The following SLC45A3 variants were observed in gnomAD, a reference collection of about 807,000 sequenced individuals.
SLC45A3 encodes prostate cancer associated protein 2.
A neutral mutation model predicts 35.3 loss-of-function variants in SLC45A3; 17 were observed. The ratio of observed to expected loss-of-function variants is 0.48; its 90% CI spans 0.33 to 0.72. The LOEUF (loss-of-function observed/expected upper bound fraction) is 0.72, where lower values mean the gene tolerates loss of function less well. SLC45A3 is among the 30% of genes least tolerant of loss of function. SLC45A3 has a pLI of 0.02. For synonymous variants in SLC45A3, 288 were observed against 334.3 expected, an observed-to-expected ratio of 0.86 and a Z score of 1.51; for missense variants, 597 against 731.7, an observed-to-expected ratio of 0.82 and a Z score of 2.12.
rs762283059 is a variant in SLC45A3 at position 205,663,447 on chromosome 1, G to C, written c.344C>G (p.Pro115Arg). Residue 115 changes from proline to arginine, a missense_variant, in exon 3 of 5, where the codon CCG (proline) becomes CGG (arginine). Pro to Arg is a moderately radical substitution (Grantham distance 103). Transcript: ENST00000367145. The stretch of plus-strand genomic sequence containing the variant: ...TGCCAGCTCCAGGGGCCTGGGATCC[G>C]GGCACAGCAGCCCTGCTAGCCAGCC... ...RAGWLAGLLC[P>R]DPRPLELALL... 5.0e-6 allele frequency: 8 copies of C among 1,612,638 alleles called. No individual in the cohort carries two copies. In the Middle Eastern group the frequency reaches 1.2e-3, roughly 233 times the overall value.
chr1:205,670,391 C>T (rs889813008), intron 1 of SLC45A3, among the ~76,000 whole-genome samples: 2 of 152,092 alleles, frequency 1.3e-5, no homozygotes, highest in African/African-American at 4.8e-5. Context: ...CCAGTCTTGC[C>T]CTAGAAAAAA....
intron 1 of SLC45A3, among the ~76,000 whole-genome samples, chr1:205,665,847 C>T (rs1321500898): frequency 2.6e-5 from 4 of 152,192 alleles, no homozygotes; most frequent in South Asian, 2.1e-4. Flanking sequence ...TCTTGCTTCC[C>T]GACAATACAG....
At chr1:205,661,777 A>G (rs2102402743) in intron 4 of SLC45A3, 84 bp downstream of exon 4, 4 of 1,529,224 alleles carry the variant, frequency 2.6e-6, no homozygotes, top group Middle Eastern at 1.8e-4. Context: ...GTTGCTTGCC[A>G]GATACCAGGT....
chr1:205,672,149 C>T (rs1671228420), intron 1 of SLC45A3, among the ~76,000 whole-genome samples: 1 of 152,094 alleles, frequency 6.6e-6, no homozygotes, highest in Non-Finnish European at 1.5e-5. Context: ...CTTTCTCATT[C>T]CCAAACAGGA....
rs368461715 is a variant in SLC45A3, at chr1:205,679,261, A to G, written c.-231+1133T>C. Among the ~76,000 whole-genome samples, 4 of 152,144 alleles carry G rather than the reference A, an allele frequency of 2.6e-5. No homozygotes were observed. The East Asian group carries it at 5.8e-4, about 22-fold the overall frequency. On this transcript the variant is annotated intron_variant, in intron 1 of 4. Coordinates refer to ENST00000367145, the MANE Select transcript of SLC45A3 (RefSeq NM_033102.3). ...GGCGAGTCCTCACCAGGTACCCACCATGCCAAACCCCTCCCTACCCCCAAC... is the reference window on the plus strand; with the variant it reads ...GGCGAGTCCTCACCAGGTACCCACCGTGCCAAACCCCTCCCTACCCCCAAC...
chr1:205,662,806 AGCC>A lies in SLC45A3; in HGVS notation c.958+24_958+26del, dbSNP rs1671051297. The A allele has an allele frequency of 6.5e-7, 1 of 1,548,186 alleles. No homozygotes were observed. The highest frequency in any genetic ancestry group is 1.2e-5 in the South Asian group (1 of 81,496). On this transcript the variant is annotated intron_variant, in intron 3 of 4. Transcript: ENST00000367145. This position sits in a 1 kb window ranked among gnomAD's most constrained non-coding sequence, Gnocchi z 6.2. ...GTCTCTGGTGGGCGGCTCCCACACCAGCCTCTGCTGGCTGCCAAGGCCTTACCT... is the reference window on the plus strand; with the variant it reads ...GTCTCTGGTGGGCGGCTCCCACACCATCTGCTGGCTGCCAAGGCCTTACCT...
In SLC45A3 at chr1:205,659,807, A is replaced by G; in HGVS notation, c.1225-136T>C. 1.2e-6 allele frequency: 1 copy of G among 815,762 alleles called. No homozygotes were observed. The highest frequency in any genetic ancestry group is 1.8e-6 in the Non-Finnish European group (1 of 549,202). 50.5% of individuals were successfully genotyped at this position (815,762 alleles called of 1,614,324 possible). A position where few individuals can be genotyped will look rare whatever the true frequency, so the allele number is the denominator to read the frequency against. Reference sequence around the variant, plus strand: ...TCATGAGAATCAGGAGCAGGAGAGAAGATGGAGACCCTACTTGGTCCAAGT... The same window carrying G: ...TCATGAGAATCAGGAGCAGGAGAGAGGATGGAGACCCTACTTGGTCCAAGT... On this transcript the variant is annotated intron_variant, in intron 4 of 4. Transcript: ENST00000367145. The surrounding 1 kb of genome is among the most constrained non-coding windows in gnomAD (Gnocchi z 5.8).
chr1:205,668,288 G>C (rs964304743), intron 1 of SLC45A3, among the ~76,000 whole-genome samples: 9 of 152,044 alleles, frequency 5.9e-5, no homozygotes, highest in Non-Finnish European at 1.2e-4. Flanking sequence ...GAGGACTCCT[G>C]AGCACTAAGT....
chr1:205,665,579 C>A (rs1477206299), intron 1 of SLC45A3, among the ~76,000 whole-genome samples: 1 of 152,148 alleles, frequency 6.6e-6, no homozygotes, highest in African/African-American at 2.4e-5. Flanking sequence ...TGGAGCCGTC[C>A]CCAGGTTCTA....
At position 205,658,239 on chromosome 1, in the gene SLC45A3, G is replaced by C; in HGVS notation, c.*995C>G. ...GTCCTAGAGAGAGTAGAGGGGAGTGGAAGTGGGGGGAACCAGGCTGGGCCA... is the reference window on the plus strand; with the variant it reads ...GTCCTAGAGAGAGTAGAGGGGAGTGCAAGTGGGGGGAACCAGGCTGGGCCA... On this transcript the variant is annotated 3_prime_UTR_variant, in exon 5 of 5. Coordinates refer to ENST00000367145, the MANE Select transcript of SLC45A3 (RefSeq NM_033102.3). The C allele has an allele frequency of 4.3e-6, 1 of 232,884 alleles. No individual in the cohort carries two copies. The highest frequency in any genetic ancestry group is 1.3e-3 in the Middle Eastern group (1 of 786). The allele number at this position is 232,884 out of a possible 1,614,324, so 14.4% of individuals were successfully genotyped here. A position where few individuals can be genotyped will look rare whatever the true frequency, so the allele number is the denominator to read the frequency against.
In SLC45A3 at chr1:205,658,656, C is replaced by A; in HGVS notation, c.*578G>T. The A allele has an allele frequency of 4.3e-6, 1 of 233,788 alleles. No homozygotes were observed. The highest frequency in any genetic ancestry group is 6.0e-5 in the East Asian group (1 of 16,550). 14.5% of individuals were successfully genotyped at this position (233,788 alleles called of 1,614,324 possible). ...GATAAAAGGTAAGAGGGGGGTGGAT[C>A]AGCAAAAAGACAGTGCTGTGGGCTG... On this transcript the variant is annotated 3_prime_UTR_variant, in exon 5 of 5. Coordinates refer to ENST00000367145, the MANE Select transcript of SLC45A3 (RefSeq NM_033102.3).
In SLC45A3 at chr1:205,664,375, CCAG is replaced by C. The variant is rs1671082794; in HGVS notation, c.172+107_172+109del. 4 of 1,444,730 alleles carry C rather than the reference CCAG, an allele frequency of 2.8e-6. No homozygotes were observed. In the East Asian group the frequency reaches 9.1e-5, roughly 33 times the overall value. The allele number at this position is 1,444,730 out of a possible 1,614,324, so 89.5% of individuals were successfully genotyped here. On this transcript the variant is annotated intron_variant, in intron 2 of 4. Coordinates refer to ENST00000367145, the MANE Select transcript of SLC45A3 (RefSeq NM_033102.3). The surrounding 1 kb of genome is among the most constrained non-coding windows in gnomAD (Gnocchi z 5.3). ...CACCCTCCTGCCCAGCAATGCCTTCCCAGCAGACCACCTCTCCCTCCAAGCAGC... is the reference window on the plus strand; with the variant it reads ...CACCCTCCTGCCCAGCAATGCCTTCCCAGACCACCTCTCCCTCCAAGCAGC...
rs1254488753 is a variant in SLC45A3 at position 205,666,376 on chromosome 1, T to C, written c.-230-1490A>G. On this transcript the variant is annotated intron_variant, in intron 1 of 4. Transcript: ENST00000367145. This position sits in a 1 kb window ranked among gnomAD's most constrained non-coding sequence, Gnocchi z 4.1. ...TTTAAAAATTATCCAGGCGTGGTAG[T>C]ATGCACCTGTGGTCCCAGCTACTTA... 6.6e-6 allele frequency among the ~76,000 whole-genome samples: 1 copy of C among 152,124 alleles called. No individual in the cohort carries two copies. The highest frequency in any genetic ancestry group is 2.4e-5 in the African/African-American group (1 of 41,410).
At chr1:205,677,557 G>C (rs1371144969) in intron 1 of SLC45A3, among the ~76,000 whole-genome samples, 2 of 152,214 alleles carry the variant, frequency 1.3e-5, no homozygotes, top group Admixed American at 1.3e-4. Flanking sequence ...TAAATAACTT[G>C]TGCAAGAGGA....
In SLC45A3 at chr1:205,666,734, C is replaced by CA. The variant is rs1399622036; in HGVS notation, c.-230-1849dup. The stretch of plus-strand genomic sequence containing the variant: ...GTAAAATACTGACCCATACTGTCTC[C>CA]AAAAGGAAGGTGGAAGGCCAGACCT... On this transcript the variant is annotated intron_variant, in intron 1 of 4. Coordinates refer to ENST00000367145, the MANE Select transcript of SLC45A3 (RefSeq NM_033102.3). The surrounding 1 kb of genome is among the most constrained non-coding windows in gnomAD (Gnocchi z 4.1). Among the ~76,000 whole-genome samples the CA allele has an allele frequency of 2.0e-5, 3 of 152,210 alleles. No homozygotes were observed. The highest frequency in any genetic ancestry group is 4.4e-5 in the Non-Finnish European group (3 of 68,040).
At chr1:205,679,275 C>G (rs1418050584) in intron 1 of SLC45A3, among the ~76,000 whole-genome samples, 1 of 152,056 alleles carries the variant, frequency 6.6e-6, no homozygotes, top group African/African-American at 2.4e-5. Flanking sequence ...CAAACCCCTC[C>G]CTACCCCCAA....
Position 205,659,091 on chromosome 1 carries a change from C to T in SLC45A3, c.*143G>A. ...CCAGCTGTGCAGCTACGCACCTCAG[C>T]AGCACAGGGTGGCAGCAGAGAGCCA... On this transcript the variant is annotated 3_prime_UTR_variant, in exon 5 of 5. Transcript: ENST00000367145. This position sits in a 1 kb window ranked among gnomAD's most constrained non-coding sequence, Gnocchi z 5.8. 1.2e-6 allele frequency: 1 copy of T among 830,698 alleles called. No homozygotes were observed. Among genetic ancestry groups the T allele is most frequent in the Non-Finnish European group, 1.9e-6 (1 of 538,972 alleles). The allele number at this position is 830,698 out of a possible 1,614,324, so 51.5% of individuals were successfully genotyped here.
rs1671052528 is a variant in SLC45A3 at position 205,662,891 on chromosome 1, C to T, written c.900G>A (p.Leu300=). The part of the protein sequence containing the change: ...LFYTDFVGEG[L]YQGVPRAEPG... ...GCTCAGCTCTGGGCACGCCCTGGTA[C>T]AGCCCCTCGCCCACGAAATCCGTGT... Residue 300 remains leucine, a synonymous_variant, in exon 3 of 5, where the codon CTG becomes CTA. Transcript: ENST00000367145. This position sits in a 1 kb window ranked among gnomAD's most constrained non-coding sequence, Gnocchi z 6.2. The T allele has an allele frequency of 6.2e-7, 1 of 1,612,374 alleles. No individual in the cohort carries two copies. The highest frequency in any genetic ancestry group is 8.5e-7 in the Non-Finnish European group (1 of 1,179,668).
chr1:205,662,602 C>T lies in SLC45A3; in HGVS notation c.958+231G>A. ...AAGCTCCGCCTTTCCTTCTGTCAAA[C>T]TGGGGCAACGACTCTGATCAGACTC... is the stretch of plus-strand genomic sequence containing the variant. On this transcript the variant is annotated intron_variant, in intron 3 of 4. Coordinates refer to ENST00000367145, the MANE Select transcript of SLC45A3 (RefSeq NM_033102.3). This position sits in a 1 kb window ranked among gnomAD's most constrained non-coding sequence, Gnocchi z 6.2. The T allele has an allele frequency of 7.5e-7, 1 of 1,336,250 alleles. No individual in the cohort carries two copies. Among genetic ancestry groups the T allele is most frequent in the Non-Finnish European group, 9.5e-7 (1 of 1,048,454 alleles). 82.8% of individuals were successfully genotyped at this position (1,336,250 alleles called of 1,614,324 possible).
Sources: gnomAD v4.1 joint callset for allele counts (sites outside exome capture counted in the v4.1 genomes callset) on GRCh38, gnomAD v4.1.1 for gene constraint, Gnocchi (gnomAD v3.1) non-coding constraint, MANE v1.5 for transcripts, NCBI Gene and HGNC (gene_info 2026-07-23, HGNC 2026-07-21) for gene names.